The following CREBL2 variants were observed in gnomAD, a reference collection of about 807,000 sequenced individuals.
The protein encoded by CREBL2 is cAMP responsive element binding protein like 2.
CREBL2 carries 4 observed loss-of-function variants against 19.5 expected under a neutral mutation model. The observed-to-expected ratio is 0.20, with a 90% CI of 0.10 to 0.47. The LOEUF is 0.47. CREBL2 is among the 20% of genes least tolerant of loss of function. The pLI, the probability that CREBL2 is intolerant of heterozygous loss-of-function variation, is 0.98. For synonymous variants in CREBL2, 42 were observed against 46.6 expected (o/e 0.90, Z 0.40); for missense variants, 85 against 145.1 (o/e 0.59, Z 2.13).
intron 3 of CREBL2, among the ~76,000 whole-genome samples, chr12:12,640,590 AAG>A (rs1336200373): frequency 3.3e-5 from 5 of 152,336 alleles, no homozygotes; most frequent in African/African-American, 1.2e-4. Flanking sequence ...TCAGCTTACG[AAG>A]ATAATAGGAT....
At chr12:12,635,684 T>C in intron 1 of CREBL2, 93 bp from the exon 2 acceptor site, 2 of 1,435,640 alleles carry the variant, frequency 1.4e-6, no homozygotes, top group Non-Finnish European at 9.3e-7. Flanking sequence ...TCACGTTTTG[T>C]TTATAAATGT....
Position 12,635,982 on chromosome 12 carries a change from ATCG to A in CREBL2, c.213+11_213+13del, listed in dbSNP as rs1387477635. ...AGAGAGGAACTGGAAATGGTAAGAA[ATCG>A]TCAGTAAACACATGAAAAAATCACC... On this transcript the variant is annotated intron_variant, in intron 2 of 3. Transcript: ENST00000228865. 1.2e-6 allele frequency: 2 copies of A among 1,609,394 alleles called. No homozygotes were observed. Among genetic ancestry groups the A allele is most frequent in the African/African-American group, 2.7e-5 (2 of 74,780 alleles).
chr12:12,637,233 TAAA>T (rs56369648), intron 2 of CREBL2, among the ~76,000 whole-genome samples: 1 of 148,686 alleles, frequency 6.7e-6, no homozygotes, highest in African/African-American at 2.5e-5. Context: ...TGACAATTAT[TAAA>T]AAAAAAAAGA....
At chr12:12,628,839 G>A (rs186460202) in intron 1 of CREBL2, among the ~76,000 whole-genome samples, 31 of 152,280 alleles carry the variant, frequency 2.0e-4, no homozygotes, top group Non-Finnish European at 4.1e-4. Flanking sequence ...TTTTGCAAGT[G>A]GCTATCCACC....
chr12:12,620,242 CTTTTTTTTTTT>C (rs1166950255), intron 1 of CREBL2, among the ~76,000 whole-genome samples: 1 of 148,128 alleles, frequency 6.8e-6, no homozygotes, highest in African/African-American at 2.5e-5. Flanking sequence ...TTTTCTTTTT[CTTTTTTTTTTT>C]GAGACGGTCT....
At chr12:12,633,251 ATAATG>A (rs1945453556) in intron 1 of CREBL2, among the ~76,000 whole-genome samples, 1 of 152,128 alleles carries the variant, frequency 6.6e-6, no homozygotes, top group Middle Eastern at 3.4e-3. Flanking sequence ...GTATATTGTT[ATAATG>A]TAATAAAAAC....
At chr12:12,616,214 C>T (rs922694121) in intron 1 of CREBL2, among the ~76,000 whole-genome samples, 1 of 151,988 alleles carries the variant, frequency 6.6e-6, no homozygotes, top group Non-Finnish European at 1.5e-5. Context: ...TCAAATAAGT[C>T]GAAGAAAAAT....
intron 2 of CREBL2, among the ~76,000 whole-genome samples, chr12:12,636,925 G>A (rs1357465391): frequency 6.6e-6 from 1 of 152,200 alleles, no homozygotes; most frequent in East Asian, 1.9e-4. Context: ...TAGAAAGTAA[G>A]ACAACAAGGT....
In CREBL2 at chr12:12,623,302, G is replaced by A. The variant is rs1396425551; in HGVS notation, c.15+11115G>A. ...AGTAGAAAACACAGCTTCTGTGCTT[G>A]AGGAGCTCAGACTACTTGGGGAGAT... is the stretch of plus-strand genomic sequence containing the variant. On this transcript the variant is annotated intron_variant, in intron 1 of 3. Coordinates refer to ENST00000228865, the MANE Select transcript of CREBL2 (RefSeq NM_001310.4). Among the ~76,000 whole-genome samples the A allele has an allele frequency of 2.6e-5, 4 of 151,942 alleles. No individual in the cohort carries two copies. In the East Asian group the frequency reaches 5.8e-4, roughly 22 times the overall value.
chr12:12,620,220 T>C (rs1342992051), intron 1 of CREBL2, among the ~76,000 whole-genome samples: 1 of 144,834 alleles, frequency 6.9e-6, no homozygotes, highest in Non-Finnish European at 1.5e-5. Context: ...TTAATGTGCT[T>C]GCTTTCTTTT....
chr12:12,632,760 A>C (rs1945450297), intron 1 of CREBL2, among the ~76,000 whole-genome samples: 1 of 152,020 alleles, frequency 6.6e-6, no homozygotes, highest in Non-Finnish European at 1.5e-5. Flanking sequence ...GTTGATTTCA[A>C]AATATTTTAT....
At chr12:12,615,734 C>G (rs548466047) in intron 1 of CREBL2, 2 of 152,188 alleles carry the variant, frequency 1.3e-5, no homozygotes, top group East Asian at 3.9e-4. Flanking sequence ...CCTCCTGATC[C>G]GCCCACCTCG....
intron 2 of CREBL2, among the ~76,000 whole-genome samples, chr12:12,636,460 G>A (rs567914042): frequency 1.1e-4 from 16 of 151,122 alleles, no homozygotes; most frequent in South Asian, 4.2e-4. Flanking sequence ...TTGCTCTGTC[G>A]CCCAGGCTGG....
chr12:12,619,450 AT>A (rs1945343097), intron 1 of CREBL2, among the ~76,000 whole-genome samples: 1 of 152,158 alleles, frequency 6.6e-6, no homozygotes, highest in Non-Finnish European at 1.5e-5. Context: ...TTCAAAAAAT[AT>A]AAAAAATTAT....
chr12:12,625,283 G>T (rs1019105367), intron 1 of CREBL2, among the ~76,000 whole-genome samples: 7 of 152,170 alleles, frequency 4.6e-5, no homozygotes, highest in African/African-American at 1.7e-4. Flanking sequence ...CAGTAGGAAT[G>T]GAGAAGAAGA....
intron 1 of CREBL2, among the ~76,000 whole-genome samples, chr12:12,621,683 A>T (rs1378930689): frequency 6.6e-6 from 1 of 152,216 alleles, no homozygotes; most frequent in Non-Finnish European, 1.5e-5. Flanking sequence ...TACCTGGTAA[A>T]CAAGGCTGAC....
intron 2 of CREBL2, 118 bp downstream of exon 2, chr12:12,636,092 T>TA: frequency 1.0e-6 from 1 of 988,050 alleles, no homozygotes; most frequent in Non-Finnish European, 1.5e-6. Context: ...GAGAGAATAT[T>TA]AATCTGTTAG....
intron 1 of CREBL2, among the ~76,000 whole-genome samples, chr12:12,624,459 C>T (rs1246369965): frequency 1.3e-5 from 2 of 152,184 alleles, no homozygotes; most frequent in East Asian, 1.9e-4. Context: ...GACCCTTTCA[C>T]GGGACTCACA....
chr12:12,641,250 ATTATTTTTTTTTATTT>A (rs1464406655), intron 3 of CREBL2, among the ~76,000 whole-genome samples: 65 of 57,858 alleles, frequency 1.1e-3, no homozygotes, highest in Admixed American at 2.0e-3. Flanking sequence ...TATTATTATT[ATTATTTTTTTTTATTT>A]TTTTTTTTTT....
Sources: gnomAD v4.1 joint callset for allele counts (sites outside exome capture counted in the v4.1 genomes callset) on GRCh38, gnomAD v4.1.1 for gene constraint, MANE v1.5 for transcripts, NCBI Gene and HGNC (gene_info 2026-07-23, HGNC 2026-07-21) for gene names.